PPP2R2B: variants seen among roughly 807,000 people sequenced by gnomAD.
PPP2R2B encodes the protein protein phosphatase 2 regulatory subunit Bbeta.
PPP2R2B carries 5 observed loss-of-function variants against 46.0 expected under a neutral mutation model. The ratio of observed to expected loss-of-function variants is 0.11; its 90% CI spans 0.06 to 0.23. PPP2R2B has a LOEUF of 0.23. PPP2R2B is among the 10% of genes least tolerant of loss of function. The pLI is 1.00. For missense variants in PPP2R2B, 367 were observed against 575.0 expected (o/e 0.64, Z 3.70); for synonymous variants, 215 against 206.7 (o/e 1.04, Z -0.34).
chr5:146,644,932 G>A (rs1268012624), intron 6 of PPP2R2B, among the ~76,000 whole-genome samples: 1 of 152,152 alleles, frequency 6.6e-6, no homozygotes, highest in Non-Finnish European at 1.5e-5. Flanking sequence ...ACTGACATGC[G>A]TATTTCCCCA....
chr5:146,815,816 G>A (rs1335057778), intron 2 of PPP2R2B, among the ~76,000 whole-genome samples: 1 of 152,198 alleles, frequency 6.6e-6, no homozygotes, highest in East Asian at 1.9e-4. Context: ...GATAGGGAAA[G>A]CAAGATCATC....
At position 146,982,242 on chromosome 5, in the gene PPP2R2B, A is replaced by G. The variant is rs539708366; in HGVS notation, c.79+73423T>C. Among the ~76,000 whole-genome samples the G allele has an allele frequency of 2.0e-5, 3 of 152,290 alleles. No individual in the cohort carries two copies. The South Asian group carries it at 6.2e-4, about 32-fold the overall frequency. ...TGCTTTTCATTTGTTGCCAGGTCCC[A>G]CAATTTTTGATATGTTGTGTTTTTA... is the stretch of plus-strand genomic sequence containing the variant. On this transcript the variant is annotated intron_variant, in intron 1 of 8. Transcript: ENST00000336640.
intron 1 of PPP2R2B, among the ~76,000 whole-genome samples, chr5:146,962,660 A>C (rs1376324367): frequency 6.6e-6 from 1 of 152,048 alleles, no homozygotes; most frequent in African/African-American, 2.4e-5. Flanking sequence ...TAAAAAAAAA[A>C]CAACCTTAAA....
chr5:147,028,438 C>CA lies in PPP2R2B; in HGVS notation c.79+27226dup, dbSNP rs569282318. The stretch of plus-strand genomic sequence containing the variant: ...AACACCTTTGGATTCCTACCTCAGT[C>CA]ATTCCCCATTTTATCCCAAAGCAAA... On this transcript the variant is annotated intron_variant, in intron 1 of 8. Transcript: ENST00000336640. Among the ~76,000 whole-genome samples the CA allele has an allele frequency of 7.9e-5, 12 of 152,262 alleles. No individual in the cohort carries two copies. In the East Asian group the frequency reaches 2.1e-3, roughly 27 times the overall value.
At chr5:146,720,527 T>TG (rs984367198) in intron 2 of PPP2R2B, among the ~76,000 whole-genome samples, 1 of 152,178 alleles carries the variant, frequency 6.6e-6, no homozygotes, top group Non-Finnish European at 1.5e-5. Context: ...TGCTGTTTCT[T>TG]GGGGGGAAGA....
chr5:147,001,830 C>G (rs541779459), intron 1 of PPP2R2B, among the ~76,000 whole-genome samples: 1 of 152,068 alleles, frequency 6.6e-6, no homozygotes, highest in African/African-American at 2.4e-5. Flanking sequence ...TTCTAACAAC[C>G]CCCAACTCTT....
At chr5:147,047,240 T>C (rs547915985) in intron 1 of PPP2R2B, among the ~76,000 whole-genome samples, 3 of 152,088 alleles carry the variant, frequency 2.0e-5, no homozygotes, top group African/African-American at 7.2e-5. Context: ...TCTATACCAC[T>C]GTATGATGAC....
At chr5:146,856,370 A>G in intron 2 of PPP2R2B, 1 of 681,384 alleles carries the variant, frequency 1.5e-6, no homozygotes, top group South Asian at 2.1e-5. Context: ...ATTTTAAGCA[A>G]CTGGAACTAT....
intron 1 of PPP2R2B, among the ~76,000 whole-genome samples, chr5:147,022,926 G>T (rs1382315794): frequency 6.6e-6 from 1 of 152,016 alleles, no homozygotes; most frequent in Non-Finnish European, 1.5e-5. Flanking sequence ...AAAGTTGAGT[G>T]AATTCATTGT....
At chr5:146,856,988 G>A (rs186982293) in intron 2 of PPP2R2B, among the ~76,000 whole-genome samples, 3 of 152,136 alleles carry the variant, frequency 2.0e-5, no homozygotes, top group Admixed American at 2.0e-4. Context: ...TCTAATGCAC[G>A]TTAAAGTTTG....
At chr5:146,635,276 T>C (rs1220710314) in intron 7 of PPP2R2B, among the ~76,000 whole-genome samples, 1 of 152,194 alleles carries the variant, frequency 6.6e-6, no homozygotes, top group Non-Finnish European at 1.5e-5. Flanking sequence ...TCTAGTTTTT[T>C]TTTTTTTTAA....
chr5:146,817,124 C>T (rs1445792063), intron 2 of PPP2R2B, among the ~76,000 whole-genome samples: 2 of 152,154 alleles, frequency 1.3e-5, no homozygotes, highest in African/African-American at 4.8e-5. Context: ...TTGATCCCCA[C>T]ACAATTCATG....
chr5:146,995,294 G>C (rs189794825), intron 1 of PPP2R2B, among the ~76,000 whole-genome samples: 43 of 152,264 alleles, frequency 2.8e-4, no homozygotes, highest in Non-Finnish European at 5.6e-4. Flanking sequence ...TGTATCCCCA[G>C]TACTTGCCCA....
At chr5:146,709,216 A>G (rs1002571141) in intron 2 of PPP2R2B, among the ~76,000 whole-genome samples, 2 of 152,224 alleles carry the variant, frequency 1.3e-5, no homozygotes, top group Admixed American at 6.5e-5. Flanking sequence ...GAAGGGTCCA[A>G]TAGCTCCAAG....
intron 1 of PPP2R2B, among the ~76,000 whole-genome samples, chr5:146,922,047 G>C (rs1763625911): frequency 6.6e-6 from 1 of 152,162 alleles, no homozygotes; most frequent in African/African-American, 2.4e-5. Flanking sequence ...TCATCCCTAG[G>C]TCTGAAAGAT....
At chr5:147,054,705 C>T (rs1246496082) in intron 1 of PPP2R2B, 2 of 456,020 alleles carry the variant, frequency 4.4e-6, no homozygotes, top group Non-Finnish European at 4.4e-6. Flanking sequence ...GGCTGGTCGC[C>T]AGCTCAGTTC....
chr5:146,609,661 C>T (rs1038173209), intron 7 of PPP2R2B, among the ~76,000 whole-genome samples: 2 of 148,862 alleles, frequency 1.3e-5, no homozygotes, highest in South Asian at 2.2e-4. Context: ...CGAAGCAGGG[C>T]GAGGCATTGC....
In PPP2R2B at chr5:146,974,295, A is replaced by G. The variant is rs962232289; in HGVS notation, c.79+81370T>C. 5.9e-5 allele frequency among the ~76,000 whole-genome samples: 9 copies of G among 152,226 alleles called. No individual in the cohort carries two copies. The East Asian group carries it at 1.7e-3, about 29-fold the overall frequency. ...TATACTGTTCTAAGTCCTTTAACAT[A>G]CATTAATTTATATAGCCTTTAAAAC... On this transcript the variant is annotated intron_variant, in intron 1 of 8. Coordinates refer to the PPP2R2B transcript ENST00000336640.
In PPP2R2B at chr5:147,002,760, T is replaced by C. The variant is rs569255191; in HGVS notation, c.79+52905A>G. On this transcript the variant is annotated intron_variant, in intron 1 of 8. Coordinates refer to the PPP2R2B transcript ENST00000336640. ...CCATTGCGGGTTCTCGGGCAAGAGA[T>C]GTTTCTGCTGCTGCATTGGTAAGCA... 4.0e-5 allele frequency among the ~76,000 whole-genome samples: 6 copies of C among 148,818 alleles called. No homozygotes were observed. In the East Asian group the frequency reaches 1.2e-3, roughly 29 times the overall value.
Sources: allele counts gnomAD v4.1 joint callset (sites outside exome capture counted in the v4.1 genomes callset), GRCh38; gene constraint gnomAD v4.1.1; transcripts MANE v1.5; gene names NCBI Gene and HGNC (gene_info 2026-07-23, HGNC 2026-07-21).